The following MAGI1 variants were observed in gnomAD, a reference collection of about 807,000 sequenced individuals.
The protein encoded by MAGI1 is membrane associated guanylate kinase, WW and PDZ domain containing 1, also known as membrane-associated guanylate kinase, WW and PDZ domain-containing protein 1.
Under a neutral mutation model 139.9 loss-of-function variants are expected in MAGI1, and 58 were observed. That is an observed-to-expected ratio of 0.41 (90% CI 0.34 to 0.52). The LOEUF (loss-of-function observed/expected upper bound fraction) is 0.52. MAGI1 is among the 20% of genes least tolerant of loss of function. The probability of loss-of-function intolerance (pLI) is 0.12; values close to 1 mark genes in which losing one functional copy is unlikely to be tolerated. For missense variants in MAGI1, 1,874 were observed against 1,901.6 expected (o/e 0.99, Z 0.27); for synonymous variants, 812 against 737.9 (o/e 1.10, Z -1.63).
chr3:65,514,946 T>C (rs1304080904), intron 2 of MAGI1, among the ~76,000 whole-genome samples: 1 of 150,166 alleles, frequency 6.7e-6, no homozygotes, highest in Admixed American at 6.7e-5. Flanking sequence ...TAAGAAAATG[T>C]GGCAAATATA....
intron 9 of MAGI1, 33 bp from the exon 10 acceptor site, chr3:65,437,280 C>G: frequency 7.1e-7 from 1 of 1,401,518 alleles, no homozygotes. Flanking sequence ...TCCTATTTTT[C>G]CTTCAAATGG....
Position 65,787,493 on chromosome 3 carries a change from G to A in MAGI1, c.314-165405C>T, listed in dbSNP as rs142223965. Reference sequence around the variant, plus strand: ...ATGCCAAAACACATTGTGTTTGAGTGACAAGGGAACTAACTCTCACACATC... The same window carrying A: ...ATGCCAAAACACATTGTGTTTGAGTAACAAGGGAACTAACTCTCACACATC... On this transcript the variant is annotated intron_variant, in intron 1 of 22. Coordinates refer to ENST00000402939, the MANE Select transcript of MAGI1 (RefSeq NM_001033057.2). Among the ~76,000 whole-genome samples the A allele has an allele frequency of 4.0e-5, 6 of 150,992 alleles. No individual in the cohort carries two copies. The East Asian group carries it at 1.2e-3, about 29-fold the overall frequency.
At chr3:65,610,934 AT>A (rs1208956981) in intron 2 of MAGI1, among the ~76,000 whole-genome samples, 1 of 138,844 alleles carries the variant, frequency 7.2e-6, no homozygotes, top group East Asian at 2.0e-4. Context: ...AGTAGATAGT[AT>A]ATATAGTAGA....
chr3:66,006,837 TTTTG>T lies in MAGI1; in HGVS notation c.313+31155_313+31158del, dbSNP rs747378623. On this transcript the variant is annotated intron_variant, in intron 1 of 22. Transcript: ENST00000402939. ...TTTTGTTTTGTTTTGTTTTGTTTTG[TTTTG>T]TTTATTAGAGATGCAGTATCACTCT... Among the ~76,000 whole-genome samples the T allele has an allele frequency of 2.5e-3, 378 of 149,652 alleles. 3 individuals carry two copies. Among genetic ancestry groups the T allele is most frequent in the Non-Finnish European group, 3.8e-3 (257 of 67,974 alleles).
chr3:65,971,626 A>C (rs947360928), intron 1 of MAGI1, among the ~76,000 whole-genome samples: 2 of 152,204 alleles, frequency 1.3e-5, no homozygotes, highest in African/African-American at 4.8e-5. Context: ...CAAACTGTGA[A>C]CAACCTGAGG....
chr3:65,726,838 T>C (rs1446796735), intron 1 of MAGI1, among the ~76,000 whole-genome samples: 4 of 151,268 alleles, frequency 2.6e-5, no homozygotes, highest in Non-Finnish European at 5.9e-5. Context: ...ATCACCATTA[T>C]CCGTTATAGC....
chr3:65,375,842 T>C lies in MAGI1; in HGVS notation c.3099A>G (p.Val1033=), dbSNP rs780666116. ...KLKVGDRILA[V]NGCSITNKSH... ...ATTTGTTGGTGATGGAACATCCATT[T>C]ACTGCCAAGATCCGGTCTCCTACTT... Residue 1033 remains valine, a synonymous_variant, in exon 18 of 23, where the codon GTA becomes GTG. Transcript: ENST00000402939. 5 of 1,614,162 alleles carry C rather than the reference T, an allele frequency of 3.1e-6. No individual in the cohort carries two copies. The highest frequency in any genetic ancestry group is 4.2e-6 in the Non-Finnish European group (5 of 1,180,016).
intron 1 of MAGI1, among the ~76,000 whole-genome samples, chr3:65,999,035 A>G (rs947505043): frequency 1.9e-4 from 29 of 152,154 alleles, no homozygotes; most frequent in African/African-American, 6.5e-4. Context: ...TTTATCACTC[A>G]AGGTAAGGGC....
intron 1 of MAGI1, among the ~76,000 whole-genome samples, chr3:65,732,969 G>C (rs552195526): frequency 4.0e-4 from 61 of 152,248 alleles, no homozygotes; most frequent in African/African-American, 1.4e-3. Flanking sequence ...CCATTAATGG[G>C]GTAAGAATCT....
intron 1 of MAGI1, among the ~76,000 whole-genome samples, chr3:65,950,838 G>A (rs747502169): frequency 9.9e-5 from 15 of 152,160 alleles, no homozygotes; most frequent in African/African-American, 3.1e-4. Context: ...GACAGATAGA[G>A]TGCAGGGATA....
rs945273581 is a variant in MAGI1 at position 65,926,148 on chromosome 3, A to G, written c.313+111848T>C. Among the ~76,000 whole-genome samples the G allele has an allele frequency of 3.9e-4, 60 of 152,254 alleles. 1 individual carries two copies. The highest frequency in any genetic ancestry group is 1.3e-4 in the Admixed American group (2 of 15,286). On this transcript the variant is annotated intron_variant, in intron 1 of 22. Coordinates refer to ENST00000402939, the MANE Select transcript of MAGI1 (RefSeq NM_001033057.2). Reference sequence around the variant, plus strand: ...TTTCTGTTATTTAGTATTTCTTTAAATGAAGTCATTTTTTAACTTCAATAG... The same window carrying G: ...TTTCTGTTATTTAGTATTTCTTTAAGTGAAGTCATTTTTTAACTTCAATAG...
chr3:65,744,296 T>C (rs1290992636), intron 1 of MAGI1, among the ~76,000 whole-genome samples: 1 of 152,202 alleles, frequency 6.6e-6, no homozygotes, highest in Non-Finnish European at 1.5e-5. Flanking sequence ...TCTCAAAATA[T>C]ATCACAGAGA....
intron 1 of MAGI1, among the ~76,000 whole-genome samples, chr3:65,911,794 T>C (rs2061681093): frequency 1.3e-5 from 2 of 152,216 alleles, no homozygotes; most frequent in South Asian, 4.1e-4. Flanking sequence ...AGCATCAAAC[T>C]TGGCACCCAG....
intron 2 of MAGI1, among the ~76,000 whole-genome samples, chr3:65,593,605 G>A (rs748956394): frequency 2.6e-5 from 4 of 152,086 alleles, no homozygotes; most frequent in Non-Finnish European, 5.9e-5. Flanking sequence ...TTTTCAAGGA[G>A]TTGTACTTTT....
intron 12 of MAGI1, among the ~76,000 whole-genome samples, chr3:65,424,086 G>A (rs1422171122): frequency 6.6e-6 from 1 of 152,122 alleles, no homozygotes; most frequent in African/African-American, 2.4e-5. Flanking sequence ...GTCTTGAAAG[G>A]TTTTATTTAC....
In MAGI1 at chr3:65,621,917, TCA is replaced by T. The variant is rs56026417; in HGVS notation, c.430+53_430+54del. 5.1e-3 allele frequency: 4,931 copies of T among 968,288 alleles called. 1 individual carries two copies. The highest frequency in any genetic ancestry group is 0.014 in the East Asian group (474 of 34,968). The allele number at this position is 968,288 out of a possible 1,614,324, so 60.0% of individuals were successfully genotyped here. On this transcript the variant is annotated intron_variant, in intron 2 of 22. Transcript: ENST00000402939. ...AGATCTCCTTTCTCCCCTGGACTTT[TCA>T]CACACACACACACACACACACAGCA...
chr3:65,737,040 C>G (rs1190295007), intron 1 of MAGI1, among the ~76,000 whole-genome samples: 2 of 151,680 alleles, frequency 1.3e-5, no homozygotes, highest in East Asian at 1.9e-4. Flanking sequence ...GAGTCTCGCT[C>G]TGTCCCTAGG....
At chr3:65,941,608 C>A (rs1205181386) in intron 1 of MAGI1, among the ~76,000 whole-genome samples, 1 of 151,084 alleles carries the variant, frequency 6.6e-6, no homozygotes, top group Non-Finnish European at 1.5e-5. Flanking sequence ...AACATCCCCA[C>A]CCCCACCTCC....
At chr3:65,915,412 G>A (rs1166219903) in intron 1 of MAGI1, among the ~76,000 whole-genome samples, 5 of 152,158 alleles carry the variant, frequency 3.3e-5, no homozygotes, top group East Asian at 1.9e-4. Flanking sequence ...ATTCACACCC[G>A]TTCAAGTTAC....
Sources: gnomAD v4.1 joint callset for allele counts (sites outside exome capture counted in the v4.1 genomes callset) on GRCh38, gnomAD v4.1.1 for gene constraint, MANE v1.5 for transcripts, NCBI Gene and HGNC (gene_info 2026-07-23, HGNC 2026-07-21) for gene names.